The following CPED1 variants were observed in gnomAD, a reference collection of about 807,000 sequenced individuals.
CPED1 encodes cadherin like and PC-esterase domain containing 1.
Under a neutral mutation model 128.2 loss-of-function variants are expected in CPED1, and 114 were observed. The observed-to-expected ratio is 0.89, with a 90% CI of 0.76 to 1.04. CPED1 has a LOEUF of 1.04. CPED1 is among the 50% of genes least tolerant of loss of function. The pLI is 0.00. For synonymous variants in CPED1, 462 were observed against 426.7 expected (o/e 1.08, Z -1.02); for missense variants, 1,211 against 1,207.1 (o/e 1.00, Z -0.05).
intron 5 of CPED1, among the ~76,000 whole-genome samples, chr7:121,087,176 GT>G (rs1403310359): frequency 2.0e-5 from 3 of 151,956 alleles, no homozygotes; most frequent in Admixed American, 1.3e-4. Context: ...TTTTTCTTTG[GT>G]TGGGGGAGGC....
intron 5 of CPED1, chr7:121,083,840 A>G (rs988950973): frequency 1.3e-5 from 2 of 152,234 alleles, no homozygotes; most frequent in Non-Finnish European, 2.9e-5. Context: ...CTTTCTGTCT[A>G]CAATGTAGGG....
intron 4 of CPED1, among the ~76,000 whole-genome samples, chr7:121,055,201 T>G (rs754816890): frequency 1.2e-4 from 18 of 152,176 alleles, no homozygotes; most frequent in Middle Eastern, 3.2e-3. Context: ...TAACTTTTTC[T>G]CTCTTAAGGG....
rs560819726 is a variant in CPED1 at position 121,109,688 on chromosome 7, C to A, written c.918+9594C>A. Among the ~76,000 whole-genome samples, 4 of 152,138 alleles carry A rather than the reference C, an allele frequency of 2.6e-5. No individual in the cohort carries two copies. The East Asian group carries it at 7.7e-4, about 29-fold the overall frequency. ...TAGAATAACTTCTGAATAACTTCTA[C>A]TAGAAATTTTTTCAGATATATTTGA... On this transcript the variant is annotated intron_variant, in intron 7 of 22. Transcript: ENST00000310396.
chr7:121,124,596 C>A, intron 8 of CPED1, 123 bp downstream of exon 8: 1 of 644,536 alleles, frequency 1.6e-6, no homozygotes, highest in Non-Finnish European at 2.4e-6. Context: ...AATTTTATGT[C>A]AATATACAAA....
intron 18 of CPED1, among the ~76,000 whole-genome samples, chr7:121,257,088 A>G (rs1045417750): frequency 1.3e-5 from 2 of 152,102 alleles, no homozygotes; most frequent in Non-Finnish European, 2.9e-5. Context: ...GGGAGGGGCT[A>G]TAGGTAGAAA....
chr7:121,093,243 G>A (rs1794616775), intron 5 of CPED1, among the ~76,000 whole-genome samples: 2 of 152,030 alleles, frequency 1.3e-5, no homozygotes, highest in South Asian at 2.1e-4. Flanking sequence ...AAATTAGGTT[G>A]AACATTATGA....
At chr7:121,133,296 A>G (rs1795715094) in intron 12 of CPED1, among the ~76,000 whole-genome samples, 2 of 152,122 alleles carry the variant, frequency 1.3e-5, no homozygotes, top group Non-Finnish European at 2.9e-5. Context: ...TAGTTATACA[A>G]CAGAGAAAAT....
rs909631028 is a variant in CPED1 at position 121,096,512 on chromosome 7, C to G, written c.617-1187C>G. Among the ~76,000 whole-genome samples the G allele has an allele frequency of 1.4e-4, 22 of 152,100 alleles. 1 individual carries two copies. Among genetic ancestry groups the G allele is most frequent in the Admixed American group, 1.4e-3 (21 of 15,248 alleles). On this transcript the variant is annotated intron_variant, in intron 5 of 22. Transcript: ENST00000310396. ...CAACCATTTTGGGAGGCAATCTGGT[C>G]ATGTCTAACAAATTTGCAGTGCGTT...
At chr7:121,169,192 A>C (rs10277559) in intron 16 of CPED1, among the ~76,000 whole-genome samples, 15,861 of 152,208 alleles carry the variant, frequency 0.1, 1,392 homozygotes, top group African/African-American at 0.24. Context: ...TTTTATAAAG[A>C]CATCAAATTA....
Position 121,047,716 on chromosome 7 carries a change from T to TTCTTCA in CPED1, c.540+724_540+725insCTTCAT, listed in dbSNP as rs1491267938. On this transcript the variant is annotated intron_variant, in intron 4 of 22. Transcript: ENST00000310396. ...CTTCTTCTTCTTCTTCTTCTTCTTC[T>TTCTTCA]TTTTTTTTTTTTGAGACGTAATCTT... Among the ~76,000 whole-genome samples, 3 of 71,244 alleles carry TTCTTCA rather than the reference T, an allele frequency of 4.2e-5. No individual in the cohort carries two copies. In the South Asian group the frequency reaches 1.2e-3, roughly 29 times the overall value. The allele number at this position is 71,244 out of a possible 152,430, so 46.7% of individuals were successfully genotyped here.
intron 3 of CPED1, among the ~76,000 whole-genome samples, chr7:121,042,083 G>C (rs895740093): frequency 2.0e-5 from 3 of 151,758 alleles, no homozygotes; most frequent in South Asian, 2.1e-4. Flanking sequence ...GCCTGATCAG[G>C]AAGTTCTGGT....
chr7:121,260,644 A>ATTTTTG (rs935988688), intron 18 of CPED1, among the ~76,000 whole-genome samples: 2 of 151,742 alleles, frequency 1.3e-5, no homozygotes, highest in African/African-American at 4.8e-5. Context: ...CCTCACTTTT[A>ATTTTTG]TTTCCCTTAT....
intron 16 of CPED1, among the ~76,000 whole-genome samples, chr7:121,142,425 C>A (rs148339858): frequency 1.3e-5 from 2 of 151,898 alleles, no homozygotes; most frequent in African/African-American, 4.8e-5. Flanking sequence ...GTTGTGAAAT[C>A]GGTTTCACAT....
intron 17 of CPED1, among the ~76,000 whole-genome samples, chr7:121,239,554 C>T (rs1242175588): frequency 1.3e-5 from 2 of 151,996 alleles, no homozygotes; most frequent in African/African-American, 2.4e-5. Context: ...AAAAATTTAT[C>T]CTACCTTATT....
chr7:121,207,231 T>G (rs1028189854), intron 16 of CPED1, among the ~76,000 whole-genome samples: 3 of 152,034 alleles, frequency 2.0e-5, no homozygotes, highest in Non-Finnish European at 2.9e-5. Flanking sequence ...AATCTTTGTA[T>G]TCTTGTACTC....
intron 4 of CPED1, among the ~76,000 whole-genome samples, chr7:121,055,668 T>C (rs1793479580): frequency 6.6e-6 from 1 of 151,502 alleles, no homozygotes; most frequent in Non-Finnish European, 1.5e-5. Flanking sequence ...TTGTTGCTAG[T>C]AAAAATTCAC....
intron 5 of CPED1, among the ~76,000 whole-genome samples, chr7:121,095,170 T>C (rs1794670665): frequency 6.6e-6 from 1 of 152,126 alleles, no homozygotes; most frequent in African/African-American, 2.4e-5. Context: ...GAGCATTGTT[T>C]GTAGGAGATT....
chr7:121,123,636 G>A (rs1296010719), intron 7 of CPED1, among the ~76,000 whole-genome samples: 1 of 152,040 alleles, frequency 6.6e-6, no homozygotes, highest in African/African-American at 2.4e-5. Flanking sequence ...ACAGCTATTT[G>A]TGATACTAAC....
intron 16 of CPED1, among the ~76,000 whole-genome samples, chr7:121,142,921 T>C (rs1182224294): frequency 2.0e-5 from 3 of 151,958 alleles, no homozygotes. Context: ...ACTGGGAGCT[T>C]TGAAGAATAG....
Sources: gnomAD v4.1 joint callset for allele counts (sites outside exome capture counted in the v4.1 genomes callset) on GRCh38, gnomAD v4.1.1 for gene constraint, MANE v1.5 for transcripts, NCBI Gene and HGNC (gene_info 2026-07-23, HGNC 2026-07-21) for gene names.